The following SMG7 variants were observed in gnomAD, a reference collection of about 807,000 sequenced individuals.
SMG7 encodes nonsense-mediated mRNA decay factor SMG7.
A neutral mutation model predicts 148.2 loss-of-function variants in SMG7; 34 were observed. The observed-to-expected ratio is 0.23, with a 90% confidence interval of 0.17 to 0.31. SMG7 has a LOEUF of 0.31. Ranked by LOEUF, SMG7 falls within the 10% of genes least tolerant of loss-of-function variation. The pLI is 1.00. For missense variants in SMG7, 1,114 were observed against 1,408.4 expected (o/e 0.79, Z 3.35); for synonymous variants, 492 against 515.1 (o/e 0.96, Z 0.61).
chr1:183,489,165 TAGAC>T (rs1317195749), intron 1 of SMG7, among the ~76,000 whole-genome samples: 3 of 152,152 alleles, frequency 2.0e-5, no homozygotes, highest in Non-Finnish European at 2.9e-5. Context: ...TCAACAGAGT[TAGAC>T]AGGGCTTGAA....
intron 1 of SMG7, among the ~76,000 whole-genome samples, chr1:183,487,828 G>GT (rs1363227468): frequency 3.3e-5 from 5 of 152,192 alleles, no homozygotes; most frequent in Admixed American, 1.3e-4. Context: ...TGGGAAGCAG[G>GT]TTCTGCTTTA....
intron 1 of SMG7, among the ~76,000 whole-genome samples, chr1:183,480,799 C>G (rs951658636): frequency 6.6e-6 from 1 of 152,112 alleles, no homozygotes; most frequent in Admixed American, 6.6e-5. Flanking sequence ...AAAATTCTTC[C>G]TACTGTTACC....
At chr1:183,477,047 G>T (rs1292341159) in intron 1 of SMG7, among the ~76,000 whole-genome samples, 2 of 152,070 alleles carry the variant, frequency 1.3e-5, no homozygotes, top group Admixed American at 6.6e-5. Context: ...ACATATCAAA[G>T]TTGGAAAAGC....
intron 1 of SMG7, among the ~76,000 whole-genome samples, chr1:183,490,315 C>T (rs983473786): frequency 1.1e-4 from 17 of 152,002 alleles, no homozygotes; most frequent in African/African-American, 3.4e-4. Flanking sequence ...GCAGGATGGA[C>T]GGAAACTTAG....
chr1:183,521,469 C>A (rs1490362927), intron 4 of SMG7, among the ~76,000 whole-genome samples: 1 of 152,120 alleles, frequency 6.6e-6, no homozygotes, highest in Non-Finnish European at 1.5e-5. Flanking sequence ...CAATAGTGTT[C>A]CACAAATCTT....
chr1:183,482,081 G>A (rs1370308369), intron 1 of SMG7, among the ~76,000 whole-genome samples: 1 of 152,160 alleles, frequency 6.6e-6, no homozygotes, highest in East Asian at 1.9e-4. Context: ...TGTGTTTGAA[G>A]AACTCTAAAA....
At chr1:183,495,833 G>T (rs1658350173) in intron 1 of SMG7, among the ~76,000 whole-genome samples, 1 of 151,688 alleles carries the variant, frequency 6.6e-6, no homozygotes, top group Non-Finnish European at 1.5e-5. Context: ...GTGCCACTGT[G>T]CTCCAGCCTA....
In SMG7 at chr1:183,547,187, A is replaced by G; in HGVS notation, c.2827A>G (p.Asn943Asp). 1.9e-6 allele frequency: 3 copies of G among 1,550,340 alleles called. No homozygotes were observed. Among genetic ancestry groups the G allele is most frequent in the Non-Finnish European group, 2.6e-6 (3 of 1,146,880 alleles). ...GGAAGAGGAAGAGCTGATTTTTTCTAACCCTCCTGATCTTTACCCGGCTCT... is the reference window on the plus strand; with the variant it reads ...GGAAGAGGAAGAGCTGATTTTTTCTGACCCTCCTGATCTTTACCCGGCTCT... ...LEEEEELIFSNPPDLYPALLG... is the reference protein window; with the variant it reads ...LEEEEELIFSDPPDLYPALLG... Residue 943 changes from asparagine to aspartate, a missense_variant, in exon 18 of 23, where the codon AAC (asparagine) becomes GAC (aspartate). By Grantham distance (23) the Asn-to-Asp change is conservative. Coordinates refer to ENST00000688051, the MANE Select transcript of SMG7 (RefSeq NM_001375584.1).
intron 7 of SMG7, 121 bp downstream of exon 7, chr1:183,529,163 A>T (rs1666425187): frequency 9.6e-7 from 1 of 1,044,598 alleles, no homozygotes; most frequent in Admixed American, 2.5e-5. Context: ...CTAAACATAT[A>T]GATTTTTCAT....
In SMG7 at chr1:183,545,271, G is replaced by T. The variant is rs778799891; in HGVS notation, c.2329G>T (p.Ala777Ser). ...QQQSPTKAVPALGKSPPHHSG... is the reference protein window; with the variant it reads ...QQQSPTKAVPSLGKSPPHHSG... Reference sequence around the variant, plus strand: ...ACAATCCCCTACAAAAGCTGTGCCGGCTTTGGGGAAAAGCCCGCCTCACCA... The same window carrying T: ...ACAATCCCCTACAAAAGCTGTGCCGTCTTTGGGGAAAAGCCCGCCTCACCA... The change falls in exon 16 of 23, where the codon GCT becomes TCT. Residue 777 changes from alanine (A) to serine (S), a missense_variant. Coordinates refer to ENST00000688051, the MANE Select transcript of SMG7 (RefSeq NM_001375584.1). 2.5e-6 allele frequency: 4 copies of T among 1,612,838 alleles called. No individual in the cohort carries two copies. Among genetic ancestry groups the T allele is most frequent in the Non-Finnish European group, 3.4e-6 (4 of 1,179,986 alleles).
Position 183,552,874 on chromosome 1 carries a change from T to C in SMG7, c.*943T>C. 1.4e-6 allele frequency: 2 copies of C among 1,441,684 alleles called. No individual in the cohort carries two copies. The highest frequency in any genetic ancestry group is 1.8e-6 in the Non-Finnish European group (2 of 1,102,386). The allele number at this position is 1,441,684 out of a possible 1,614,324, so 89.3% of individuals were successfully genotyped here. On this transcript the variant is annotated 3_prime_UTR_variant, in exon 23 of 23. Transcript: ENST00000688051. ...TTGGTTGGTTTTTGTGCCCCCATTC[T>C]ACTTCCCACCCTCCTGCCCCATCTC... is the stretch of plus-strand genomic sequence containing the variant.
At chr1:183,516,898 A>G (rs566469296) in intron 3 of SMG7, among the ~76,000 whole-genome samples, 8 of 152,312 alleles carry the variant, frequency 5.3e-5, no homozygotes, top group Admixed American at 2.6e-4. Context: ...ATATAGAATT[A>G]GGTACTTCCA....
chr1:183,513,773 T>TA (rs1471011607), intron 2 of SMG7, among the ~76,000 whole-genome samples: 4 of 151,984 alleles, frequency 2.6e-5, no homozygotes, highest in African/African-American at 9.7e-5. Flanking sequence ...CTCACGCCTG[T>TA]AATCCCAGCA....
chr1:183,536,256 G>A (rs1667772675), intron 10 of SMG7, among the ~76,000 whole-genome samples: 1 of 152,034 alleles, frequency 6.6e-6, no homozygotes, highest in Admixed American at 6.5e-5. Context: ...ATTATTTTAA[G>A]CTAATTACTT....
intron 1 of SMG7, among the ~76,000 whole-genome samples, chr1:183,506,875 CTTTTTTTTTT>C (rs71130622): frequency 8.9e-6 from 1 of 111,826 alleles, no homozygotes; most frequent in Non-Finnish European, 1.8e-5. Flanking sequence ...ACTATATATT[CTTTTTTTTTT>C]TTTTTTTTTT....
intron 12 of SMG7, among the ~76,000 whole-genome samples, chr1:183,540,310 T>C (rs1474223870): frequency 1.3e-5 from 2 of 152,158 alleles, no homozygotes; most frequent in Admixed American, 6.5e-5. Flanking sequence ...ATAGTTCTTA[T>C]TATGCTTATC....
intron 1 of SMG7, among the ~76,000 whole-genome samples, chr1:183,480,877 T>A (rs1653932577): frequency 6.6e-6 from 1 of 152,206 alleles, no homozygotes; most frequent in Non-Finnish European, 1.5e-5. Flanking sequence ...CACCATCTGC[T>A]ACTTTCTGTG....
chr1:183,513,064 G>A, intron 2 of SMG7, 196 bp downstream of exon 2: 1 of 525,966 alleles, frequency 1.9e-6, no homozygotes, highest in African/African-American at 2.0e-5. Flanking sequence ...GGAATTGCAT[G>A]TAATACTAAT....
chr1:183,552,077 G>T lies in SMG7; in HGVS notation c.*146G>T, dbSNP rs1671160487. 3 of 1,328,832 alleles carry T rather than the reference G, an allele frequency of 2.3e-6. No homozygotes were observed. Among genetic ancestry groups the T allele is most frequent in the African/African-American group, 3.0e-5 (2 of 67,076 alleles). The allele number at this position is 1,328,832 out of a possible 1,614,324, so 82.3% of individuals were successfully genotyped here. On this transcript the variant is annotated 3_prime_UTR_variant, in exon 23 of 23. Coordinates refer to ENST00000688051, the MANE Select transcript of SMG7 (RefSeq NM_001375584.1). ...GGTGTAAGTATTCCACCAGCCCGCT[G>T]AGTGTGCACGAAATGTTCGCAGTGC...
Sources: gnomAD v4.1 joint callset for allele counts (sites outside exome capture counted in the v4.1 genomes callset) on GRCh38, gnomAD v4.1.1 for gene constraint, MANE v1.5 for transcripts, NCBI Gene and HGNC (gene_info 2026-07-23, HGNC 2026-07-21) for gene names.